The following FBXL7 variants were observed in gnomAD, a reference collection of about 807,000 sequenced individuals.
FBXL7 encodes F-box/LRR-repeat protein 7.
FBXL7 carries 12 observed loss-of-function variants against 38.3 expected under a neutral mutation model. The ratio of observed to expected loss-of-function variants is 0.31; its 90% CI spans 0.20 to 0.51. FBXL7 has a LOEUF of 0.51. Among genes scored for constraint, FBXL7 ranks in the 20% least tolerant of loss-of-function variants. The pLI is 0.98. For synonymous variants in FBXL7, 297 were observed against 300.9 expected (o/e 0.99, Z 0.13); for missense variants, 567 against 676.4 (o/e 0.84, Z 1.79).
intron 2 of FBXL7, among the ~76,000 whole-genome samples, chr5:15,682,577 A>G (rs1742875102): frequency 6.6e-6 from 1 of 152,098 alleles, no homozygotes; most frequent in Non-Finnish European, 1.5e-5. Flanking sequence ...TTTAAGTTTT[A>G]TTCTAAATTA....
At chr5:15,786,380 C>A (rs1274599395) in intron 2 of FBXL7, among the ~76,000 whole-genome samples, 1 of 152,152 alleles carries the variant, frequency 6.6e-6, no homozygotes, top group African/African-American at 2.4e-5. Flanking sequence ...AGGTCTACCA[C>A]TGCCTGGATT....
intron 2 of FBXL7, among the ~76,000 whole-genome samples, chr5:15,895,597 A>G (rs1403179927): frequency 7.0e-6 from 1 of 143,464 alleles, no homozygotes; most frequent in Non-Finnish European, 1.5e-5. Flanking sequence ...CTTACAAATG[A>G]TCACCCATTT....
chr5:15,528,853 T>C (rs1185192265), intron 1 of FBXL7, among the ~76,000 whole-genome samples: 1 of 152,200 alleles, frequency 6.6e-6, no homozygotes, highest in Admixed American at 6.5e-5. Context: ...ATACAGCATG[T>C]TTTGAAATAT....
chr5:15,717,696 G>A (rs770082074), intron 2 of FBXL7, among the ~76,000 whole-genome samples: 5 of 152,046 alleles, frequency 3.3e-5, no homozygotes, highest in Admixed American at 2.6e-4. Flanking sequence ...GTTGTATATC[G>A]GCCAAAGATA....
intron 2 of FBXL7, among the ~76,000 whole-genome samples, chr5:15,654,966 G>T (rs1741826926): frequency 6.6e-6 from 1 of 152,156 alleles, no homozygotes; most frequent in South Asian, 2.1e-4. Flanking sequence ...ATTTCTCAGA[G>T]TGACTGTGGC....
intron 2 of FBXL7, among the ~76,000 whole-genome samples, chr5:15,868,615 G>A (rs1358693105): frequency 6.6e-6 from 1 of 152,112 alleles, no homozygotes; most frequent in Non-Finnish European, 1.5e-5. Context: ...GCATGTGAAG[G>A]TATAGGTAAA....
chr5:15,767,940 T>G (rs1212686855), intron 2 of FBXL7, among the ~76,000 whole-genome samples: 1 of 152,216 alleles, frequency 6.6e-6, no homozygotes, highest in Non-Finnish European at 1.5e-5. Flanking sequence ...TACTTTTTGT[T>G]ATGTTTGCTT....
intron 3 of FBXL7, among the ~76,000 whole-genome samples, chr5:15,929,625 GAAA>G (rs60269538): frequency 8.1e-4 from 92 of 113,528 alleles, no homozygotes; most frequent in South Asian, 4.0e-3. Flanking sequence ...CCCTGTCTCT[GAAA>G]AAAAAAAAAA....
chr5:15,636,680 C>CTTT (rs35974559), intron 2 of FBXL7, among the ~76,000 whole-genome samples: 15 of 134,210 alleles, frequency 1.1e-4, no homozygotes, highest in African/African-American at 3.8e-4. Flanking sequence ...GGGCTAAAAC[C>CTTT]TTTTTTTTTT....
At chr5:15,893,344 A>C (rs1403317768) in intron 2 of FBXL7, among the ~76,000 whole-genome samples, 2 of 152,314 alleles carry the variant, frequency 1.3e-5, no homozygotes, top group African/African-American at 4.8e-5. Context: ...TGAAATTATG[A>C]AACAAGAAAT....
intron 2 of FBXL7, among the ~76,000 whole-genome samples, chr5:15,905,238 A>G (rs1741327291): frequency 6.6e-6 from 1 of 152,232 alleles, no homozygotes; most frequent in South Asian, 2.1e-4. Flanking sequence ...TGAACTTAAA[A>G]TTAATTCTAA....
chr5:15,871,805 G>A (rs557398400), intron 2 of FBXL7, among the ~76,000 whole-genome samples: 3 of 152,142 alleles, frequency 2.0e-5, no homozygotes, highest in South Asian at 2.1e-4. Context: ...AAAAACCAAC[G>A]TTTGATTGAT....
At chr5:15,853,186 T>G (rs1209057646) in intron 2 of FBXL7, among the ~76,000 whole-genome samples, 4 of 152,076 alleles carry the variant, frequency 2.6e-5, no homozygotes, top group African/African-American at 7.2e-5. Context: ...TGTGCTACAG[T>G]GGAACACAGC....
Position 15,753,223 on chromosome 5 carries a change from G to A in FBXL7, c.127+137151G>A, listed in dbSNP as rs576437049. Among the ~76,000 whole-genome samples the A allele has an allele frequency of 3.3e-5, 5 of 152,136 alleles. No individual in the cohort carries two copies. In the South Asian group the frequency reaches 8.3e-4, roughly 25 times the overall value. On this transcript the variant is annotated intron_variant, in intron 2 of 3. Coordinates refer to ENST00000504595, the MANE Select transcript of FBXL7 (RefSeq NM_012304.5). ...TGCTTGTGACTGATGAATTCAATGAGCGCTTCAATTCTCCTACTTTGTTCT... is the reference window on the plus strand; with the variant it reads ...TGCTTGTGACTGATGAATTCAATGAACGCTTCAATTCTCCTACTTTGTTCT...
chr5:15,733,864 G>A (rs13166221), intron 2 of FBXL7, among the ~76,000 whole-genome samples: 1 of 152,106 alleles, frequency 6.6e-6, no homozygotes, highest in Admixed American at 6.5e-5. Context: ...ATCCCAGCAC[G>A]TTGGGAGGCC....
At chr5:15,904,993 G>T (rs1275153098) in intron 2 of FBXL7, among the ~76,000 whole-genome samples, 1 of 152,124 alleles carries the variant, frequency 6.6e-6, no homozygotes, top group Non-Finnish European at 1.5e-5. Context: ...GCTTAAACAG[G>T]AACTAAAAGC....
intron 1 of FBXL7, among the ~76,000 whole-genome samples, chr5:15,508,334 T>G (rs1237811103): frequency 6.6e-6 from 1 of 152,224 alleles, no homozygotes; most frequent in Non-Finnish European, 1.5e-5. Flanking sequence ...AATCATTAAG[T>G]TGGGACATTA....
intron 2 of FBXL7, among the ~76,000 whole-genome samples, chr5:15,787,135 C>G (rs1737152088): frequency 6.6e-6 from 1 of 152,196 alleles, no homozygotes; most frequent in Admixed American, 6.5e-5. Context: ...CACCTTGACT[C>G]CAGACTTCCG....
chr5:15,653,752 T>C (rs979111191), intron 2 of FBXL7, among the ~76,000 whole-genome samples: 1 of 152,206 alleles, frequency 6.6e-6, no homozygotes, highest in Middle Eastern at 3.2e-3. Context: ...TTGGCTTTAA[T>C]GGAAAAAGTT....
Sources: allele counts gnomAD v4.1 joint callset (sites outside exome capture counted in the v4.1 genomes callset), GRCh38; gene constraint gnomAD v4.1.1; transcripts MANE v1.5; gene names NCBI Gene and HGNC (gene_info 2026-07-23, HGNC 2026-07-21).